The following RAI1 variants were observed in gnomAD, a reference collection of about 807,000 sequenced individuals.
RAI1 encodes retinoic acid induced 1.
A neutral mutation model predicts 123.8 loss-of-function variants in RAI1; 9 were observed. The ratio of observed to expected loss-of-function variants is 0.07; its 90% CI spans 0.04 to 0.13. RAI1 has a LOEUF of 0.13. Ranked by LOEUF, RAI1 falls within the 10% of genes least tolerant of loss-of-function variation. RAI1 has a pLI of 1.00. For synonymous variants in RAI1, 1,231 were observed against 1,127.3 expected (o/e 1.09, Z -1.84); for missense variants, 2,256 against 2,545.8 (o/e 0.89, Z 2.45).
chr17:17,780,545 G>T (rs898390434), intron 2 of RAI1, among the ~76,000 whole-genome samples: 1 of 152,198 alleles, frequency 6.6e-6, no homozygotes, highest in Non-Finnish European at 1.5e-5. Context: ...ACCAGGGAGG[G>T]CCCCCAGAGG....
chr17:17,779,586 GGGTTTGTATTT>G (rs1318222300), intron 2 of RAI1: 2 of 152,486 alleles, frequency 1.3e-5, no homozygotes, highest in African/African-American at 4.8e-5. Context: ...TGGCTACATA[GGGTTTGTATTT>G]GGTCTACAGA....
At position 17,708,901 on chromosome 17, in the gene RAI1, T is replaced by C. The variant is rs533158339; in HGVS notation, c.-148-15127T>C. On this transcript the variant is annotated intron_variant, in intron 1 of 5. Transcript: ENST00000353383. ...GCTTCACAGCTGCCAGGGTTTGGAG[T>C]TGAACCCTGTGTCCCGTGCTCCTGC... is the stretch of plus-strand genomic sequence containing the variant. Among the ~76,000 whole-genome samples, 5 of 152,228 alleles carry C rather than the reference T, an allele frequency of 3.3e-5. No homozygotes were observed. The South Asian group carries it at 1.0e-3, about 32-fold the overall frequency.
rs368587743 is a variant in RAI1, at chr17:17,798,314, G to A, written c.5366G>A (p.Arg1789Gln). Residue 1789 changes from arginine to glutamine, a missense_variant, in exon 3 of 6, where the codon CGG becomes CAG. Physicochemically the swap from Arg to Gln is conservative, Grantham distance 43 (BLOSUM62 1). Transcript: ENST00000353383. ...RLQSCYCCDG[R>Q]EDGGEEAAPA... ...CAGAGCTGCTACTGCTGTGATGGCC[G>A]GGAGGATGGGGGCGAGGAGGCAGCC... The A allele has an allele frequency of 7.4e-5, 118 of 1,595,568 alleles. No individual in the cohort carries two copies. In the Middle Eastern group the frequency reaches 1.3e-3, roughly 18 times the overall value.
chr17:17,724,406 CTTTTTTTTT>C (rs771760855), intron 2 of RAI1, among the ~76,000 whole-genome samples: 14 of 103,754 alleles, frequency 1.3e-4, no homozygotes, highest in African/African-American at 4.6e-4. Context: ...TCTTTCTTTC[CTTTTTTTTT>C]TTTTTTTTTT....
Position 17,792,953 on chromosome 17 carries a change from A to G in RAI1, c.5A>G (p.Gln2Arg), listed in dbSNP as rs2143001428. Residue 2 changes from glutamine (Q) to arginine (R), a missense_variant, in exon 3 of 6, where the codon CAG becomes CGG. Gln to Arg is a conservative substitution (Grantham distance 43). This residue lies in a region of RAI1 where 336 missense variants were observed against 349.8 expected (regional missense o/e 0.96). Coordinates refer to ENST00000353383, the MANE Select transcript of RAI1 (RefSeq NM_030665.4). M[Q>R]SFRERCGFHG... ...CACAGATAACCAGCCCGAGTCATGC[A>G]GTCTTTTCGAGAAAGGTGTGGTTTC... 7 of 1,452,482 alleles carry G rather than the reference A, an allele frequency of 4.8e-6. No individual in the cohort carries two copies. The highest frequency in any genetic ancestry group is 6.5e-6 in the Non-Finnish European group (7 of 1,083,494). 90.0% of individuals were successfully genotyped at this position (1,452,482 alleles called of 1,614,324 possible).
At chr17:17,700,289 C>T (rs1598019957) in intron 1 of RAI1, among the ~76,000 whole-genome samples, 1 of 152,156 alleles carries the variant, frequency 6.6e-6, no homozygotes, top group African/African-American at 2.4e-5. Context: ...CCTGGAACCC[C>T]TGAGACGAGG....
intron 1 of RAI1, among the ~76,000 whole-genome samples, chr17:17,701,674 A>G (rs1202797307): frequency 1.3e-5 from 2 of 151,876 alleles, no homozygotes; most frequent in Non-Finnish European, 2.9e-5. Flanking sequence ...GGCTCACTGT[A>G]GCCCTCAACC....
chr17:17,695,332 C>A lies in RAI1; in HGVS notation c.-149+13539C>A, dbSNP rs1358979399. Reference sequence around the variant, plus strand: ...CCCTCCAGCCCAGGAGCACAGGCCTCCCCTAGTTGGCAGTCGTTGGACTGT... The same window carrying A: ...CCCTCCAGCCCAGGAGCACAGGCCTACCCTAGTTGGCAGTCGTTGGACTGT... On this transcript the variant is annotated intron_variant, in intron 1 of 5. Coordinates refer to ENST00000353383, the MANE Select transcript of RAI1 (RefSeq NM_030665.4). Among the ~76,000 whole-genome samples the A allele has an allele frequency of 2.6e-5, 4 of 152,140 alleles. No homozygotes were observed. In the East Asian group the frequency reaches 7.7e-4, roughly 29 times the overall value.
intron 2 of RAI1, among the ~76,000 whole-genome samples, chr17:17,788,090 TAG>T (rs2031888755): frequency 6.6e-6 from 1 of 152,070 alleles, no homozygotes; most frequent in South Asian, 2.1e-4. Context: ...CCAGACCCTA[TAG>T]AGAGGGTATG....
intron 2 of RAI1, among the ~76,000 whole-genome samples, chr17:17,753,810 A>G (rs2030314786): frequency 6.6e-6 from 1 of 152,208 alleles, no homozygotes. Flanking sequence ...CAGGCTCTAG[A>G]AAGTCTACCG....
chr17:17,775,916 G>C (rs2031329101), intron 2 of RAI1, among the ~76,000 whole-genome samples: 1 of 152,212 alleles, frequency 6.6e-6, no homozygotes, highest in Non-Finnish European at 1.5e-5. Flanking sequence ...GTTGTTCAAG[G>C]GTCAGTCATA....
chr17:17,694,575 G>C (rs1201759996), intron 1 of RAI1, among the ~76,000 whole-genome samples: 1 of 151,954 alleles, frequency 6.6e-6, no homozygotes, highest in Non-Finnish European at 1.5e-5. Context: ...ACCTCGAGAA[G>C]GGGCGGCGAG....
rs548307515 is a variant in RAI1, at chr17:17,749,641, G to A, written c.-17+25482G>A. ...GTGGACCATGCTCCTTCAGGCCTCA[G>A]GATCTTTGCCTCTGCTGGTCTTTCT... On this transcript the variant is annotated intron_variant, in intron 2 of 5. Coordinates refer to ENST00000353383, the MANE Select transcript of RAI1 (RefSeq NM_030665.4). 1.1e-3 allele frequency among the ~76,000 whole-genome samples: 174 copies of A among 152,290 alleles called. No homozygotes were observed. The Middle Eastern group carries it at 0.017, about 15-fold the overall frequency.
At position 17,798,466 on chromosome 17, in the gene RAI1, G is replaced by A. The variant is rs753204826; in HGVS notation, c.5518G>A (p.Gly1840Arg). The change falls in exon 3 of 6, where the codon GGG becomes AGG. Residue 1840 changes from glycine to arginine, a missense_variant. Transcript: ENST00000353383. The part of the protein sequence containing the change: ...VWTGGVYLVA[G>R]KLFGLQEAMK... ...GACCGGCGGCGTCTACCTGGTGGCCGGGAAGCTCTTTGGGCTGCAGGAGGC... is the reference window on the plus strand; with the variant it reads ...GACCGGCGGCGTCTACCTGGTGGCCAGGAAGCTCTTTGGGCTGCAGGAGGC... The A allele has an allele frequency of 7.5e-6, 12 of 1,605,844 alleles. No individual in the cohort carries two copies. The highest frequency in any genetic ancestry group is 3.3e-5 in the Admixed American group (2 of 59,988).
intron 1 of RAI1, among the ~76,000 whole-genome samples, chr17:17,708,636 A>AGT (rs1915467689): frequency 6.6e-6 from 1 of 151,956 alleles, no homozygotes; most frequent in African/African-American, 2.4e-5. Context: ...TGACTCAGTG[A>AGT]GTGAGTGGGT....
At chr17:17,686,607 G>A (rs1445561839) in intron 1 of RAI1, among the ~76,000 whole-genome samples, 5 of 148,046 alleles carry the variant, frequency 3.4e-5, no homozygotes, top group African/African-American at 1.3e-4. Context: ...GTGTGTGTGT[G>A]TGCACGCGCG....
intron 4 of RAI1, among the ~76,000 whole-genome samples, chr17:17,807,097 A>G (rs2032608662): frequency 6.6e-6 from 1 of 152,174 alleles, no homozygotes; most frequent in Non-Finnish European, 1.5e-5. Context: ...ACCATGGAAC[A>G]GCTGGCTGAG....
At position 17,794,088 on chromosome 17, in the gene RAI1, G is replaced by T; in HGVS notation, c.1140G>T (p.Gly380=). The T allele has an allele frequency of 3.1e-6, 5 of 1,614,032 alleles. No homozygotes were observed. The highest frequency in any genetic ancestry group is 4.2e-6 in the Non-Finnish European group (5 of 1,180,034). ...ACAGCCAGCAGCCGCTCAGCACCGG[G>T]GCCTTCCCCGCAGGGATCACTGACC... ...FPYSQQPLST[G]AFPAGITDHS... is the part of the protein sequence containing the mutation. Residue 380 remains glycine (G), a synonymous_variant, in exon 3 of 6, where the codon GGG becomes GGT. Transcript: ENST00000353383.
chr17:17,802,277 C>T, intron 3 of RAI1: 1 of 426,820 alleles, frequency 2.3e-6, no homozygotes, highest in Non-Finnish European at 4.8e-6. Context: ...CACGTCACCG[C>T]CTCCTCTCAC....
Sources: gnomAD v4.1 joint callset for allele counts (sites outside exome capture counted in the v4.1 genomes callset) on GRCh38, gnomAD v4.1.1 for gene constraint, gnomAD v4.1.1 regional missense constraint, MANE v1.5 for transcripts, NCBI Gene and HGNC (gene_info 2026-07-23, HGNC 2026-07-21) for gene names.